The following RREB1 variants were observed in gnomAD, a reference collection of about 807,000 sequenced individuals.
The protein encoded by RREB1 is ras-responsive element-binding protein 1.
In RREB1, 27 loss-of-function variants were observed where a neutral mutation model predicts 117.8. The observed-to-expected ratio is 0.23, with a 90% CI of 0.17 to 0.32. The LOEUF is 0.32. Ranked by LOEUF, RREB1 falls within the 10% of genes least tolerant of loss-of-function variation. The pLI is 1.00. For synonymous variants in RREB1, 1,298 were observed against 1,026.7 expected, an observed-to-expected ratio of 1.26 and a Z score of -5.05; for missense variants, 2,577 against 2,378.2, an observed-to-expected ratio of 1.08 and a Z score of -1.74.
chr6:7,218,724 T>G (rs1767054325), intron 8 of RREB1: 1 of 151,740 alleles, frequency 6.6e-6, no homozygotes, highest in South Asian at 2.1e-4. Flanking sequence ...TGGCTGCCTC[T>G]TTACCATTAC....
chr6:7,147,414 C>T (rs1388820937), intron 1 of RREB1, among the ~76,000 whole-genome samples: 1 of 152,202 alleles, frequency 6.6e-6, no homozygotes, highest in African/African-American at 2.4e-5. Flanking sequence ...CTCCCCAACT[C>T]CCCAAAGGCT....
chr6:7,177,438 A>G (rs929548547), intron 2 of RREB1, among the ~76,000 whole-genome samples: 2 of 151,000 alleles, frequency 1.3e-5, no homozygotes, highest in Admixed American at 6.6e-5. Context: ...CACCAGGTTC[A>G]TCTGCTTGGT....
At chr6:7,200,339 G>A (rs750349160) in intron 6 of RREB1, among the ~76,000 whole-genome samples, 8 of 149,914 alleles carry the variant, frequency 5.3e-5, no homozygotes, top group South Asian at 2.1e-4. Context: ...AGGCTGGAGC[G>A]CAATGGCACA....
rs777078029 is a variant in RREB1 at position 7,230,451 on chromosome 6, C to T, written c.2352C>T (p.His784=). Residue 784 remains histidine (H), a synonymous_variant, in exon 10 of 13, where the codon CAC becomes CAT. Coordinates refer to ENST00000379938, the MANE Select transcript of RREB1 (RefSeq NM_001003699.4). ...THCGRGLGGG[H]KGRKPFECKE... ...GCGGCCGCGGCCTGGGCGGGGGCCACAAGGGCCGCAAGCCCTTCGAGTGCA... is the reference window on the plus strand; with the variant it reads ...GCGGCCGCGGCCTGGGCGGGGGCCATAAGGGCCGCAAGCCCTTCGAGTGCA... 6 of 1,592,156 alleles carry T rather than the reference C, an allele frequency of 3.8e-6. No individual in the cohort carries two copies. The African/African-American group carries it at 6.7e-5, about 18-fold the overall frequency.
intron 1 of RREB1, among the ~76,000 whole-genome samples, chr6:7,118,592 T>C (rs1761517920): frequency 6.6e-6 from 1 of 152,166 alleles, no homozygotes. Context: ...AAACCAAGTA[T>C]AGTTTAAAGG....
intron 1 of RREB1, among the ~76,000 whole-genome samples, chr6:7,172,742 C>G (rs1392263711): frequency 6.6e-6 from 1 of 152,070 alleles, no homozygotes; most frequent in African/African-American, 2.4e-5. Flanking sequence ...AAGGCATAGC[C>G]TGGACCCTAA....
chr6:7,248,392 A>G (rs1441484707), intron 12 of RREB1, 119 bp from the exon 13 acceptor site: 13 of 792,834 alleles, frequency 1.6e-5, no homozygotes, highest in Non-Finnish European at 2.6e-5. Context: ...CTGGCTGAGT[A>G]GGACGGAGTC....
intron 10 of RREB1, among the ~76,000 whole-genome samples, chr6:7,232,767 T>TC (rs60463079): frequency 8.7e-5 from 13 of 150,280 alleles, no homozygotes; most frequent in East Asian, 3.9e-4. Flanking sequence ...CTTTTTCTTT[T>TC]TTTTTTTTTT....
chr6:7,113,811 C>G (rs78604857), intron 1 of RREB1, among the ~76,000 whole-genome samples: 139 of 152,330 alleles, frequency 9.1e-4, no homozygotes, highest in African/African-American at 3.2e-3. Context: ...AAAAGCACTT[C>G]TGCTCTTGGT....
At chr6:7,223,984 CTG>C (rs1215932963) in intron 8 of RREB1, among the ~76,000 whole-genome samples, 4 of 151,980 alleles carry the variant, frequency 2.6e-5, no homozygotes, top group African/African-American at 9.7e-5. Context: ...AGAATAGTCT[CTG>C]TGGAAACTTA....
At position 7,250,726 on chromosome 6, in the gene RREB1, A is replaced by G. The variant is rs138027622; in HGVS notation, c.*1758A>G. 2 of 152,174 alleles carry G rather than the reference A, an allele frequency of 1.3e-5. No individual in the cohort carries two copies. Among genetic ancestry groups the G allele is most frequent in the African/African-American group, 2.4e-5 (1 of 41,526 alleles). The allele number at this position is 152,174 out of a possible 1,614,324, so 9.4% of individuals were successfully genotyped here. On this transcript the variant is annotated 3_prime_UTR_variant, in exon 13 of 13. Coordinates refer to ENST00000379938, the MANE Select transcript of RREB1 (RefSeq NM_001003699.4). ...GCCCCCTTTTCTCCGCCACTTCACC[A>G]GTTTCTGAAATCCAACCTCCCAGAC...
In RREB1 at chr6:7,210,863, C is replaced by T. The variant is rs114440612; in HGVS notation, c.485C>T (p.Pro162Leu). ...NSATATAPPS[P>L]LKRRRLSSKR... ...GCCACAGCCACAGCCCCTCCATCTC[C>T]TCTGAAACGTAGGCGATTGTCCTCC... The change falls in exon 7 of 13, where the codon CCT becomes CTT. Residue 162 changes from proline to leucine, a missense_variant. Coordinates refer to ENST00000379938, the MANE Select transcript of RREB1 (RefSeq NM_001003699.4). The T allele has an allele frequency of 1.0e-4, 164 of 1,614,148 alleles. 1 individual carries two copies. The East Asian group carries it at 2.4e-3, about 23-fold the overall frequency.
chr6:7,155,563 A>C (rs991379315), intron 1 of RREB1, among the ~76,000 whole-genome samples: 6 of 152,248 alleles, frequency 3.9e-5, no homozygotes, highest in African/African-American at 1.4e-4. Context: ...GGCCTGCCTC[A>C]GCCTCCCAAG....
chr6:7,194,981 G>A (rs1765596612), intron 6 of RREB1, among the ~76,000 whole-genome samples: 3 of 152,216 alleles, frequency 2.0e-5, no homozygotes, highest in East Asian at 3.9e-4. Flanking sequence ...GGAATGTTGT[G>A]ATGATCAGTA....
intron 1 of RREB1, among the ~76,000 whole-genome samples, chr6:7,108,316 T>TTCCTCCTCCTCCTCCTCCTCCTCCTCC (rs143321297): frequency 1.4e-5 from 2 of 148,056 alleles, no homozygotes; most frequent in Admixed American, 6.7e-5. Context: ...CGCCGGGCCA[T>TTCCTCCTCCTCCTCCTCCTCCTCCTCC]TCCTCCTCCT....
At chr6:7,134,111 C>T (rs1485121407) in intron 1 of RREB1, among the ~76,000 whole-genome samples, 1 of 152,126 alleles carries the variant, frequency 6.6e-6, no homozygotes, top group African/African-American at 2.4e-5. Context: ...AGGAACCTAT[C>T]TTCTAGGTTA....
chr6:7,211,325 T>G, intron 7 of RREB1, among the ~76,000 whole-genome samples: 1 of 132,838 alleles, frequency 7.5e-6, no homozygotes, highest in East Asian at 2.3e-4. Flanking sequence ...GGTGGGTGGA[T>G]GGATGGATGG....
At chr6:7,228,308 T>C (rs1767704533) in intron 9 of RREB1, among the ~76,000 whole-genome samples, 1 of 151,998 alleles carries the variant, frequency 6.6e-6, no homozygotes, top group Admixed American at 6.6e-5. Flanking sequence ...GACCTCAGTT[T>C]TGCAAGGCAC....
intron 5 of RREB1, among the ~76,000 whole-genome samples, chr6:7,188,399 C>T (rs1047505863): frequency 1.2e-4 from 18 of 151,996 alleles, no homozygotes; most frequent in African/African-American, 2.7e-4. Flanking sequence ...TACAGGCGCC[C>T]ACCACCACGC....
Sources: allele counts gnomAD v4.1 joint callset (sites outside exome capture counted in the v4.1 genomes callset), GRCh38; gene constraint gnomAD v4.1.1; transcripts MANE v1.5; gene names NCBI Gene and HGNC (gene_info 2026-07-23, HGNC 2026-07-21).